Variants in LHFPL3 observed in about 807,000 individuals in gnomAD.
LHFPL3 encodes the protein LHFPL tetraspan subfamily member 3 protein.
In LHFPL3, 5 loss-of-function variants were observed where a neutral mutation model predicts 19.3. That is an observed-to-expected ratio of 0.26 (90% CI 0.14 to 0.54). The LOEUF (loss-of-function observed/expected upper bound fraction) is 0.54. Ranked by LOEUF, LHFPL3 falls within the 20% of genes least tolerant of loss-of-function variation. The pLI is 0.94. For missense variants in LHFPL3, 249 were observed against 307.4 expected, an observed-to-expected ratio of 0.81 and a Z score of 1.42; for synonymous variants, 133 against 126.2, an observed-to-expected ratio of 1.05 and a Z score of -0.36.
intron 2 of LHFPL3, among the ~76,000 whole-genome samples, chr7:104,783,728 C>T (rs1789857682): frequency 6.6e-6 from 1 of 152,210 alleles, no homozygotes; most frequent in Non-Finnish European, 1.5e-5. Flanking sequence ...CTACCTGACT[C>T]TAGCCCTGAA....
At chr7:104,739,517 T>C (rs1338846076) in intron 2 of LHFPL3, among the ~76,000 whole-genome samples, 3 of 152,254 alleles carry the variant, frequency 2.0e-5, no homozygotes, top group Non-Finnish European at 4.4e-5. Flanking sequence ...TAATTAATTA[T>C]ATATAAATGG....
intron 1 of LHFPL3, among the ~76,000 whole-genome samples, chr7:104,355,290 A>G (rs1054543689): frequency 6.6e-6 from 1 of 152,150 alleles, no homozygotes; most frequent in African/African-American, 2.4e-5. Context: ...ACCTTACATG[A>G]CATAATTCCT....
chr7:104,609,637 A>G (rs1404966314), intron 1 of LHFPL3, among the ~76,000 whole-genome samples: 2 of 152,236 alleles, frequency 1.3e-5, no homozygotes, highest in Non-Finnish European at 2.9e-5. Flanking sequence ...CACAGTGCCC[A>G]TAAAACAGTT....
chr7:104,666,250 C>T (rs1792335166), intron 1 of LHFPL3, among the ~76,000 whole-genome samples: 1 of 151,912 alleles, frequency 6.6e-6, no homozygotes, highest in South Asian at 2.1e-4. Context: ...TACTATCAAA[C>T]ATTATAACTT....
chr7:104,749,246 T>C (rs561495169), intron 2 of LHFPL3, among the ~76,000 whole-genome samples: 20 of 152,398 alleles, frequency 1.3e-4, no homozygotes, highest in Admixed American at 2.6e-4. Context: ...CAGTCCTGCA[T>C]TGGCAACCTC....
rs1449955238 is a variant in LHFPL3 at position 104,639,332 on chromosome 7, A to AT, written c.446-97336dup. ...TGTGTATGTGTCCAGGGATTTATCC[A>AT]TTTTTTTCCAGATTTTCTAATTTGT... On this transcript the variant is annotated intron_variant, in intron 1 of 2. Coordinates refer to ENST00000424859, the MANE Select transcript of LHFPL3 (RefSeq NM_199000.3). Among the ~76,000 whole-genome samples, 4 of 151,934 alleles carry AT rather than the reference A, an allele frequency of 2.6e-5. No individual in the cohort carries two copies. In the South Asian group the frequency reaches 6.2e-4, roughly 24 times the overall value.
At chr7:104,824,146 T>C (rs1465972854) in intron 2 of LHFPL3, among the ~76,000 whole-genome samples, 86 of 37,836 alleles carry the variant, frequency 2.3e-3, no homozygotes, top group African/African-American at 9.9e-3. Flanking sequence ...ACTTCTCTGT[T>C]TCAAAAAAAA....
rs146056499 is a variant in LHFPL3 at position 104,767,300 on chromosome 7, C to T, written c.682+30389C>T. On this transcript the variant is annotated intron_variant, in intron 2 of 2. Transcript: ENST00000424859. ...GGCCCTGCAATCAGGGAATGAGCTCCGAAAGACACTGTGAATGCTAGAGGA... is the reference window on the plus strand; with the variant it reads ...GGCCCTGCAATCAGGGAATGAGCTCTGAAAGACACTGTGAATGCTAGAGGA... 3.3e-3 allele frequency among the ~76,000 whole-genome samples: 504 copies of T among 152,244 alleles called. 1 individual carries two copies. Among genetic ancestry groups the T allele is most frequent in the Admixed American group, 4.9e-3 (75 of 15,302 alleles).
At chr7:104,628,799 A>G (rs1289473714) in intron 1 of LHFPL3, among the ~76,000 whole-genome samples, 1 of 152,170 alleles carries the variant, frequency 6.6e-6, no homozygotes, top group Non-Finnish European at 1.5e-5. Flanking sequence ...CAAAGAAATT[A>G]AGAACTGACT....
intron 1 of LHFPL3, among the ~76,000 whole-genome samples, chr7:104,427,458 T>C (rs1791869552): frequency 6.6e-6 from 1 of 152,222 alleles, no homozygotes; most frequent in African/African-American, 2.4e-5. Context: ...ACTACTTGTA[T>C]AAAAATGGAT....
At chr7:104,609,702 A>T (rs986775039) in intron 1 of LHFPL3, among the ~76,000 whole-genome samples, 1 of 152,230 alleles carries the variant, frequency 6.6e-6, no homozygotes, top group African/African-American at 2.4e-5. Context: ...TTTGGCTGGT[A>T]AGCAAGGAAG....
chr7:104,604,307 T>C (rs1791047046), intron 1 of LHFPL3, among the ~76,000 whole-genome samples: 2 of 152,172 alleles, frequency 1.3e-5, no homozygotes, highest in East Asian at 3.9e-4. Flanking sequence ...GAGAGCAGTC[T>C]TGAGGCAGCT....
At chr7:104,570,182 A>T (rs900690383) in intron 1 of LHFPL3, among the ~76,000 whole-genome samples, 1 of 152,228 alleles carries the variant, frequency 6.6e-6, no homozygotes, top group Non-Finnish European at 1.5e-5. Flanking sequence ...GTAAATGCCC[A>T]GTCTATATTG....
chr7:104,419,149 G>A (rs936881490), intron 1 of LHFPL3, among the ~76,000 whole-genome samples: 7 of 152,158 alleles, frequency 4.6e-5, no homozygotes, highest in African/African-American at 9.7e-5. Context: ...GTTGGAGATT[G>A]ATGAAAGATA....
At chr7:104,424,983 T>TAAAAAAAAAAAAAAAAAAAA (rs71153196) in intron 1 of LHFPL3, among the ~76,000 whole-genome samples, 6 of 65,158 alleles carry the variant, frequency 9.2e-5, no homozygotes, top group East Asian at 5.1e-4. Context: ...CTCCATCTCA[T>TAAAAAAAAAAAAAAAAAAAA]AAAAAAAAAA....
At chr7:104,374,102 G>T (rs1196228568) in intron 1 of LHFPL3, among the ~76,000 whole-genome samples, 1 of 151,856 alleles carries the variant, frequency 6.6e-6, no homozygotes, top group East Asian at 1.9e-4. Context: ...ATTTGAGCAA[G>T]ATAAAAAAAT....
intron 2 of LHFPL3, among the ~76,000 whole-genome samples, chr7:104,748,877 C>T (rs948088255): frequency 3.9e-5 from 6 of 152,212 alleles, no homozygotes; most frequent in Admixed American, 2.0e-4. Context: ...GGAGGGGCAA[C>T]CCACCCCTAC....
chr7:104,820,580 A>T (rs1790656550), intron 2 of LHFPL3, among the ~76,000 whole-genome samples: 1 of 152,158 alleles, frequency 6.6e-6, no homozygotes. Context: ...AACTTTCTAC[A>T]GTTTATGAGC....
chr7:104,786,024 T>C (rs1282999984), intron 2 of LHFPL3, among the ~76,000 whole-genome samples: 1 of 152,190 alleles, frequency 6.6e-6, no homozygotes, highest in African/African-American at 2.4e-5. Flanking sequence ...GTACACTGTG[T>C]CCATGTCAGA....
Sources: gnomAD v4.1 joint callset for allele counts (sites outside exome capture counted in the v4.1 genomes callset) on GRCh38, gnomAD v4.1.1 for gene constraint, MANE v1.5 for transcripts, NCBI Gene and HGNC (gene_info 2026-07-23, HGNC 2026-07-21) for gene names.